KCNIP4: variants seen among roughly 807,000 people sequenced by gnomAD.
KCNIP4 encodes Kv channel-interacting protein 4.
A neutral mutation model predicts 34.0 loss-of-function variants in KCNIP4; 12 were observed. That is an observed-to-expected ratio of 0.35 (90% confidence interval 0.23 to 0.57). The LOEUF is 0.57. KCNIP4 is among the 20% of genes least tolerant of loss of function. The probability of loss-of-function intolerance (pLI) is 0.83; values close to 1 mark genes in which losing one functional copy is unlikely to be tolerated. For synonymous variants in KCNIP4, 124 were observed against 102.2 expected, an observed-to-expected ratio of 1.21 and a Z score of -1.29; for missense variants, 238 against 311.7, an observed-to-expected ratio of 0.76 and a Z score of 1.78.
chr4:21,062,848 G>A (rs1300013215), intron 1 of KCNIP4, among the ~76,000 whole-genome samples: 1 of 152,074 alleles, frequency 6.6e-6, no homozygotes, highest in East Asian at 1.9e-4. Flanking sequence ...CAACAAATTG[G>A]AGGAGGCCTG....
intron 1 of KCNIP4, among the ~76,000 whole-genome samples, chr4:21,398,550 TTAATGCATAC>T (rs1221741532): frequency 6.6e-6 from 1 of 152,200 alleles, no homozygotes; most frequent in Non-Finnish European, 1.5e-5. Flanking sequence ...AGCAATAATT[TTAATGCATAC>T]ACATGCACAT....
At chr4:21,148,549 T>C (rs976703) in intron 1 of KCNIP4, among the ~76,000 whole-genome samples, 99,671 of 152,062 alleles carry the variant, frequency 0.66, 33,196 homozygotes, top group African/African-American at 0.77. Flanking sequence ...AATTATTTTA[T>C]TAATTTAAAA....
At chr4:21,504,508 G>A (rs6448053) in intron 1 of KCNIP4, among the ~76,000 whole-genome samples, 21,241 of 118,088 alleles carry the variant, frequency 0.18, 2,283 homozygotes, top group Non-Finnish European at 0.26. Flanking sequence ...AGAAAGAAAG[G>A]AAGGAAGGAA....
intron 2 of KCNIP4, among the ~76,000 whole-genome samples, chr4:20,873,444 G>T (rs182054003): frequency 6.6e-6 from 1 of 151,964 alleles, no homozygotes; most frequent in Non-Finnish European, 1.5e-5. Flanking sequence ...TTTTCTTGTC[G>T]TCTTTCTCTT....
At chr4:21,819,622 C>T (rs1578029818) in intron 1 of KCNIP4, among the ~76,000 whole-genome samples, 1 of 151,958 alleles carries the variant, frequency 6.6e-6, no homozygotes, top group East Asian at 1.9e-4. Flanking sequence ...GAAGAAGAAT[C>T]TCAGATAATT....
At chr4:21,682,466 TA>T (rs1750442191) in intron 1 of KCNIP4, among the ~76,000 whole-genome samples, 1 of 152,210 alleles carries the variant, frequency 6.6e-6, no homozygotes, top group Non-Finnish European at 1.5e-5. Context: ...ACATTCTTTA[TA>T]TCAGCAATAA....
intron 1 of KCNIP4, among the ~76,000 whole-genome samples, chr4:21,471,171 C>T (rs1730438494): frequency 6.6e-6 from 1 of 152,140 alleles, no homozygotes; most frequent in South Asian, 2.1e-4. Flanking sequence ...GGCAAGTACT[C>T]TCTGTGGCTT....
At chr4:21,843,403 A>G (rs1723807666) in intron 1 of KCNIP4, 1 of 152,196 alleles carries the variant, frequency 6.6e-6, no homozygotes, top group Non-Finnish European at 1.5e-5. Flanking sequence ...TGTTAGCCCA[A>G]AAATATGGCA....
intron 1 of KCNIP4, among the ~76,000 whole-genome samples, chr4:21,058,205 T>G (rs1220375592): frequency 6.6e-6 from 1 of 152,150 alleles, no homozygotes; most frequent in Non-Finnish European, 1.5e-5. Context: ...AAACTTTTAG[T>G]GGCCAATGAG....
At chr4:20,822,756 A>G (rs547911885) in intron 3 of KCNIP4, among the ~76,000 whole-genome samples, 1 of 152,276 alleles carries the variant, frequency 6.6e-6, no homozygotes, top group African/African-American at 2.4e-5. Context: ...TTGTTTGAAT[A>G]TATATGTTCC....
rs560027635 is a variant in KCNIP4, at chr4:21,643,200, C to T, written c.61+305371G>A. ...ATATCTGTTTTCTTCCCTCTCTTTT[C>T]CCCTTACCATATAACATGAGATGTA... On this transcript the variant is annotated intron_variant, in intron 1 of 8. Coordinates refer to ENST00000382152, the MANE Select transcript of KCNIP4 (RefSeq NM_025221.6). Among the ~76,000 whole-genome samples the T allele has an allele frequency of 3.3e-5, 5 of 152,198 alleles. No homozygotes were observed. In the South Asian group the frequency reaches 8.3e-4, roughly 25 times the overall value.
At chr4:21,449,347 A>G (rs1728312748) in intron 1 of KCNIP4, among the ~76,000 whole-genome samples, 1 of 152,142 alleles carries the variant, frequency 6.6e-6, no homozygotes, top group South Asian at 2.1e-4. Flanking sequence ...CATGTTTTCT[A>G]GTTTCACAGT....
chr4:20,793,193 TA>T (rs1424292285), intron 3 of KCNIP4, among the ~76,000 whole-genome samples: 2 of 152,132 alleles, frequency 1.3e-5, no homozygotes, highest in Non-Finnish European at 1.5e-5. Flanking sequence ...GGTGAATGGA[TA>T]AACAAATTGT....
chr4:20,900,612 T>A (rs963623), intron 1 of KCNIP4, among the ~76,000 whole-genome samples: 152,178 of 152,308 alleles, frequency 1, 76,025 homozygotes, highest in Middle Eastern at 1. Context: ...TGGCAAACCT[T>A]TCTGTCCCTG....
At chr4:20,829,671 A>G (rs1718183891) in intron 3 of KCNIP4, among the ~76,000 whole-genome samples, 1 of 152,150 alleles carries the variant, frequency 6.6e-6, no homozygotes, top group African/African-American at 2.4e-5. Context: ...GGTTACTACT[A>G]TTGTTTATTA....
intron 1 of KCNIP4, among the ~76,000 whole-genome samples, chr4:21,112,682 G>A (rs1399867373): frequency 6.6e-6 from 1 of 152,154 alleles, no homozygotes; most frequent in Admixed American, 6.5e-5. Flanking sequence ...GATGAGTTGT[G>A]GCACTAAACT....
chr4:21,614,163 C>A (rs1054055469), intron 1 of KCNIP4, among the ~76,000 whole-genome samples: 15 of 150,108 alleles, frequency 1.0e-4, no homozygotes, highest in South Asian at 4.2e-4. Context: ...AAAAAAAATT[C>A]TTCTGGTCAG....
intron 1 of KCNIP4, among the ~76,000 whole-genome samples, chr4:21,252,405 T>G (rs1843352): frequency 2.0e-5 from 3 of 152,016 alleles, no homozygotes; most frequent in Non-Finnish European, 4.4e-5. Context: ...GGATTACAGG[T>G]GTGAGCCCCT....
At chr4:20,947,164 T>G (rs1029563937) in intron 1 of KCNIP4, among the ~76,000 whole-genome samples, 1 of 152,062 alleles carries the variant, frequency 6.6e-6, no homozygotes. Flanking sequence ...TTTTTGATGT[T>G]TTTTAGTTTT....
Sources: gnomAD v4.1 joint callset for allele counts (sites outside exome capture counted in the v4.1 genomes callset) on GRCh38, gnomAD v4.1.1 for gene constraint, MANE v1.5 for transcripts, NCBI Gene and HGNC (gene_info 2026-07-23, HGNC 2026-07-21) for gene names.